Variants in ERICH6 observed in about 807,000 individuals in gnomAD.
ERICH6 encodes glutamate rich 6.
In ERICH6, 71 loss-of-function variants were observed where a neutral mutation model predicts 71.0. The observed-to-expected ratio is 1.00, with a 90% CI of 0.83 to 1.22. The LOEUF is 1.22. Ranked by LOEUF, ERICH6 falls within the 50% of genes most tolerant of loss-of-function variation. The pLI is 0.00. For synonymous variants in ERICH6, 262 were observed against 278.4 expected, an observed-to-expected ratio of 0.94 and a Z score of 0.59; for missense variants, 808 against 797.2, an observed-to-expected ratio of 1.01 and a Z score of -0.16.
chr3:150,691,584 C>G (rs1481196538), intron 3 of ERICH6, among the ~76,000 whole-genome samples: 1 of 151,888 alleles, frequency 6.6e-6, no homozygotes, highest in East Asian at 1.9e-4. Context: ...ATGTTCAGGA[C>G]AAACCAGAAA....
intron 13 of ERICH6, among the ~76,000 whole-genome samples, chr3:150,664,465 A>T (rs988047231): frequency 1.3e-5 from 2 of 152,074 alleles, no homozygotes; most frequent in African/African-American, 4.8e-5. Context: ...CCTGGCCAAC[A>T]TGGTGAAACC....
At chr3:150,667,675 G>A (rs1027900402) in intron 12 of ERICH6, among the ~76,000 whole-genome samples, 1 of 152,092 alleles carries the variant, frequency 6.6e-6, no homozygotes, top group African/African-American at 2.4e-5. Flanking sequence ...TCTGAGATCT[G>A]GCAGCACTAA....
rs970741014 is a variant in ERICH6 at position 150,698,818 on chromosome 3, G to A, written c.526C>T (p.Gln176Ter). The A allele has an allele frequency of 1.2e-6, 2 of 1,613,762 alleles. No individual in the cohort carries two copies. Among genetic ancestry groups the A allele is most frequent in the African/African-American group, 1.3e-5 (1 of 74,886 alleles). The change falls in exon 3 of 14, where the codon CAA becomes TAA. Residue 176 changes from glutamine (Q) to a stop codon, truncating the protein, a stop_gained. Transcript: ENST00000295910. LOFTEE classifies it high-confidence loss of function. ...GATTGCACTTTATCAGACAAATCTT[G>A]GAGCCAACTTTCTTCTGTTTGTACT... ...VSVQTEESWL[Q>*]DLSDKVQSRK...
At position 150,666,834 on chromosome 3, in the gene ERICH6, G is replaced by T. The variant is rs2108040844; in HGVS notation, c.1681C>A (p.Leu561Ile). Residue 561 changes from leucine to isoleucine, a missense_variant, in exon 13 of 14, where the codon CTA (leucine) becomes ATA (isoleucine). This residue lies in a region of ERICH6 where 736 missense variants were observed against 712.2 expected (regional missense o/e 1.03). Coordinates refer to ENST00000295910, the MANE Select transcript of ERICH6 (RefSeq NM_152394.5). ...LEQDKISITF[L>I]AMGQQARISV... Reference sequence around the variant, plus strand: ...ATTCTTGCCTGTTGGCCCATTGCTAGAAAAGTTATAGAAATCTTGTCTTGT... The same window carrying T: ...ATTCTTGCCTGTTGGCCCATTGCTATAAAAGTTATAGAAATCTTGTCTTGT... 1 of 1,614,134 alleles carries T rather than the reference G, an allele frequency of 6.2e-7. No individual in the cohort carries two copies. Among genetic ancestry groups the T allele is most frequent in the South Asian group, 1.1e-5 (1 of 91,078 alleles).
Position 150,676,819 on chromosome 3 carries a change from T to A in ERICH6, c.1257+1590A>T, listed in dbSNP as rs1052362827. Among the ~76,000 whole-genome samples, 646 of 131,082 alleles carry A rather than the reference T, an allele frequency of 4.9e-3. 1 individual carries two copies. The highest frequency in any genetic ancestry group is 5.9e-3 in the Non-Finnish European group (380 of 64,704). 86.0% of individuals were successfully genotyped at this position (131,082 alleles called of 152,430 possible). A position where few individuals can be genotyped will look rare whatever the true frequency, so the allele number is the denominator to read the frequency against. On this transcript the variant is annotated intron_variant, in intron 10 of 13. Transcript: ENST00000295910. Reference sequence around the variant, plus strand: ...GCCCAGCTAATTAATTAAAAAAAAATTTTTTTTTTTTTGAGACAGAGTCCT... The same window carrying A: ...GCCCAGCTAATTAATTAAAAAAAAAATTTTTTTTTTTTGAGACAGAGTCCT...
chr3:150,702,095 T>C, intron 2 of ERICH6, 26 bp downstream of exon 2: 3 of 1,458,326 alleles, frequency 2.1e-6, no homozygotes, highest in Non-Finnish European at 2.8e-6. Flanking sequence ...GTTCAAAAAA[T>C]GTGAAATTTG....
In ERICH6 at chr3:150,669,444, A is replaced by G. The variant is rs1395902447; in HGVS notation, c.1351T>C (p.Ser451Pro). ...ACTCGAATGATGGCTAGGTTTCCAGATGGATAGCTGAGATCAGATAAGGTC... is the reference window on the plus strand; with the variant it reads ...ACTCGAATGATGGCTAGGTTTCCAGGTGGATAGCTGAGATCAGATAAGGTC... Reference protein sequence around the residue: ...PDGTTQIFYPSGNLAIIRVPN... With the variant: ...PDGTTQIFYPPGNLAIIRVPN... The change falls in exon 12 of 14, where the codon TCT (serine) becomes CCT (proline). Residue 451 changes from serine (S) to proline (P), a missense_variant. Physicochemically the swap from Ser to Pro is moderately conservative, Grantham distance 74 (BLOSUM62 -1). Around this residue, in one of 3 missense-constraint regions of ERICH6, gnomAD observed 736 missense variants for 712.2 expected, o/e 1.03. Coordinates refer to ENST00000295910, the MANE Select transcript of ERICH6 (RefSeq NM_152394.5). 6.2e-7 allele frequency: 1 copy of G among 1,613,514 alleles called. No individual in the cohort carries two copies. The highest frequency in any genetic ancestry group is 1.7e-5 in the Admixed American group (1 of 59,868).
chr3:150,682,554 AG>A (rs911362932), intron 6 of ERICH6, among the ~76,000 whole-genome samples: 1 of 152,198 alleles, frequency 6.6e-6, no homozygotes, highest in African/African-American at 2.4e-5. Context: ...CCTATCAGGA[AG>A]TGTGTGGTCT....
At position 150,685,730 on chromosome 3, in the gene ERICH6, A is replaced by G. The variant is rs781211028; in HGVS notation, c.783+12T>C. 4.2e-5 allele frequency: 66 copies of G among 1,586,852 alleles called. 1 individual carries two copies. In the South Asian group the frequency reaches 7.3e-4, roughly 17 times the overall value. On this transcript the variant is annotated intron_variant, in intron 6 of 13. Coordinates refer to ENST00000295910, the MANE Select transcript of ERICH6 (RefSeq NM_152394.5). ...TTTAAGAGTAATAATAAGAAACATG[A>G]ATTAAAGTCACCTTGAAGTTAATGC...
chr3:150,685,826 A>G lies in ERICH6; in HGVS notation c.699T>C (p.Pro233=). Residue 233 remains proline, a synonymous_variant, in exon 6 of 14, where the codon CCT becomes CCC. Coordinates refer to ENST00000295910, the MANE Select transcript of ERICH6 (RefSeq NM_152394.5). The part of the protein sequence containing the change: ...FKEDFITLFE[P]SLRTLPSIGP... ...CGATGCTGGGTAACGTTCTTAGAGA[A>G]GGCTCGAACAGTGTTATGAAGTCTT... 1 of 1,614,158 alleles carries G rather than the reference A, an allele frequency of 6.2e-7. No individual in the cohort carries two copies. The highest frequency in any genetic ancestry group is 8.5e-7 in the Non-Finnish European group (1 of 1,180,034).
chr3:150,666,309 T>A (rs761447917), intron 13 of ERICH6, among the ~76,000 whole-genome samples: 1 of 152,042 alleles, frequency 6.6e-6, no homozygotes, highest in Non-Finnish European at 1.5e-5. Context: ...AGCACGGGGA[T>A]GGTGGCAAGT....
intron 3 of ERICH6, among the ~76,000 whole-genome samples, chr3:150,688,966 G>C (rs1427245971): frequency 5.3e-5 from 8 of 152,158 alleles, no homozygotes; most frequent in African/African-American, 1.9e-4. Flanking sequence ...ATTAACCGAG[G>C]CCTGTCTCAG....
intron 13 of ERICH6, among the ~76,000 whole-genome samples, chr3:150,665,445 A>C (rs553261140): frequency 7.5e-6 from 1 of 132,726 alleles, no homozygotes; most frequent in South Asian, 2.6e-4. Context: ...TGAACCCGGG[A>C]GGCGGAGGTT....
chr3:150,665,942 T>C (rs1437350845), intron 13 of ERICH6, among the ~76,000 whole-genome samples: 1 of 152,180 alleles, frequency 6.6e-6, no homozygotes, highest in Non-Finnish European at 1.5e-5. Flanking sequence ...TCCATCTCTA[T>C]TTGTATCCAT....
intron 9 of ERICH6, among the ~76,000 whole-genome samples, chr3:150,679,622 G>A (rs564038818): frequency 6.6e-6 from 1 of 152,166 alleles, no homozygotes; most frequent in East Asian, 1.9e-4. Context: ...TGATACTGGT[G>A]AGCCAACTTA....
chr3:150,676,604 C>T (rs1711664806), intron 10 of ERICH6, among the ~76,000 whole-genome samples: 1 of 152,212 alleles, frequency 6.6e-6, no homozygotes, highest in East Asian at 1.9e-4. Context: ...TTACTTCTGC[C>T]AGTCACCTGG....
rs529734489 is a variant in ERICH6, at chr3:150,703,442, G to A, written c.403+54C>T. 65 of 1,498,494 alleles carry A rather than the reference G, an allele frequency of 4.3e-5. No homozygotes were observed. In the African/African-American group the frequency reaches 8.1e-4, roughly 19 times the overall value. The allele number at this position is 1,498,494 out of a possible 1,614,324, so 92.8% of individuals were successfully genotyped here. On this transcript the variant is annotated intron_variant, in intron 1 of 13. Transcript: ENST00000295910. ...GCACCACCCAGGAGTGGGTGGACCAGGTGCCCCCTGGAGACGAGAAACCCT... is the reference window on the plus strand; with the variant it reads ...GCACCACCCAGGAGTGGGTGGACCAAGTGCCCCCTGGAGACGAGAAACCCT...
At chr3:150,688,883 C>T (rs895453758) in intron 3 of ERICH6, among the ~76,000 whole-genome samples, 2 of 152,200 alleles carry the variant, frequency 1.3e-5, no homozygotes, top group Non-Finnish European at 1.5e-5. Flanking sequence ...CCACCTTGGG[C>T]ACATGTCACC....
intron 3 of ERICH6, among the ~76,000 whole-genome samples, chr3:150,692,420 T>C (rs994775911): frequency 6.6e-6 from 1 of 152,160 alleles, no homozygotes; most frequent in Non-Finnish European, 1.5e-5. Flanking sequence ...TTTTAAACCT[T>C]TGATAATGGT....
Sources: allele counts gnomAD v4.1 joint callset (sites outside exome capture counted in the v4.1 genomes callset), GRCh38; gene constraint gnomAD v4.1.1; regional missense constraint gnomAD v4.1.1; transcripts MANE v1.5; gene names NCBI Gene and HGNC (gene_info 2026-07-23, HGNC 2026-07-21).